DLGAP1: variants seen among roughly 807,000 people sequenced by gnomAD.
The protein encoded by DLGAP1 is DLG associated protein 1, also known as disks large-associated protein 1.
A neutral mutation model predicts 90.8 loss-of-function variants in DLGAP1; 11 were observed. That is an observed-to-expected ratio of 0.12 (90% CI 0.08 to 0.20). The LOEUF is 0.20. Among genes scored for constraint, DLGAP1 ranks in the 10% least tolerant of loss-of-function variants. The probability of loss-of-function intolerance (pLI) is 1.00; values close to 1 mark genes in which losing one functional copy is unlikely to be tolerated. For missense variants in DLGAP1, 1,050 were observed against 1,333.8 expected (o/e 0.79, Z 3.31); for synonymous variants, 558 against 540.7 (o/e 1.03, Z -0.44).
chr18:3,724,765 T>C (rs890592521), intron 7 of DLGAP1, among the ~76,000 whole-genome samples: 8 of 151,694 alleles, frequency 5.3e-5, no homozygotes, highest in African/African-American at 1.5e-4. Context: ...TAGCCAGGCG[T>C]GGTGATGTGC....
chr18:3,929,764 T>A (rs2072475095), intron 3 of DLGAP1, among the ~76,000 whole-genome samples: 1 of 152,228 alleles, frequency 6.6e-6, no homozygotes, highest in South Asian at 2.1e-4. Flanking sequence ...TGCTGTGGAT[T>A]TTGGTCATCT....
chr18:4,093,488 C>T (rs1430444228), intron 2 of DLGAP1, among the ~76,000 whole-genome samples: 2 of 151,984 alleles, frequency 1.3e-5, no homozygotes, highest in Non-Finnish European at 1.5e-5. Context: ...TGCGTTTTGT[C>T]TGAAAGGAAG....
intron 5 of DLGAP1, among the ~76,000 whole-genome samples, chr18:3,769,491 A>G (rs2064414985): frequency 6.6e-6 from 1 of 152,162 alleles, no homozygotes; most frequent in Admixed American, 6.5e-5. Context: ...AATTGCGCAC[A>G]ACCAGGATAT....
intron 1 of DLGAP1, among the ~76,000 whole-genome samples, chr18:4,253,690 G>A (rs9961734): frequency 0.083 from 12,591 of 152,188 alleles, 1,733 homozygotes; most frequent in African/African-American, 0.29. Flanking sequence ...GATTATAGGC[G>A]TGAGTCACTG....
At chr18:3,610,897 G>A (rs1208403581) in intron 7 of DLGAP1, among the ~76,000 whole-genome samples, 1 of 145,488 alleles carries the variant, frequency 6.9e-6, no homozygotes, top group Non-Finnish European at 1.5e-5. Flanking sequence ...TTTTTTTTGA[G>A]TTTTCATATG....
intron 1 of DLGAP1, among the ~76,000 whole-genome samples, chr18:4,322,943 G>GAAAA (rs60113288): frequency 4.1e-5 from 4 of 97,598 alleles, no homozygotes; most frequent in Admixed American, 1.3e-4. Context: ...CCTGGGCACA[G>GAAAA]AAAAAAAAAA....
At chr18:4,249,504 C>G (rs1243672701) in intron 1 of DLGAP1, among the ~76,000 whole-genome samples, 3 of 149,798 alleles carry the variant, frequency 2.0e-5, no homozygotes, top group Non-Finnish European at 4.4e-5. Flanking sequence ...TATGCTTACC[C>G]AAATGAGTCA....
chr18:4,120,992 CACAG>C (rs1306781537), intron 2 of DLGAP1, among the ~76,000 whole-genome samples: 3 of 152,084 alleles, frequency 2.0e-5, no homozygotes, highest in African/African-American at 7.2e-5. Context: ...AGGAGGTGGG[CACAG>C]ACAGTGAATG....
At chr18:4,155,959 CG>C (rs906996996) in intron 1 of DLGAP1, among the ~76,000 whole-genome samples, 25 of 152,184 alleles carry the variant, frequency 1.6e-4, no homozygotes, top group African/African-American at 5.5e-4. Context: ...TGCTCCGACT[CG>C]GGTGGGGCTG....
At chr18:4,224,912 T>C (rs927031840) in intron 1 of DLGAP1, among the ~76,000 whole-genome samples, 1 of 152,090 alleles carries the variant, frequency 6.6e-6, no homozygotes, top group African/African-American at 2.4e-5. Context: ...TGTGCTGGCT[T>C]CAGGTCTTAG....
At chr18:4,244,680 T>C (rs1568468780) in intron 1 of DLGAP1, among the ~76,000 whole-genome samples, 1 of 152,198 alleles carries the variant, frequency 6.6e-6, no homozygotes, top group East Asian at 1.9e-4. Context: ...TTACATGATC[T>C]GTGTGTCATT....
intron 3 of DLGAP1, among the ~76,000 whole-genome samples, chr18:3,897,793 T>TA (rs2071665339): frequency 7.0e-6 from 1 of 142,706 alleles, no homozygotes; most frequent in Non-Finnish European, 1.5e-5. Flanking sequence ...TTTTTTTTTT[T>TA]TTTTTTTTTT....
chr18:3,630,751 G>A (rs2058494582), intron 7 of DLGAP1, among the ~76,000 whole-genome samples: 1 of 152,060 alleles, frequency 6.6e-6, no homozygotes. Context: ...CTAACACCAT[G>A]TCTTATTACT....
At chr18:3,742,103 T>C (rs1816224894) in intron 6 of DLGAP1, among the ~76,000 whole-genome samples, 2 of 152,152 alleles carry the variant, frequency 1.3e-5, no homozygotes, top group African/African-American at 4.8e-5. Context: ...ACCCTCTTCA[T>C]TGTGCTTTAT....
intron 3 of DLGAP1, among the ~76,000 whole-genome samples, chr18:3,996,999 A>G (rs1173103129): frequency 6.6e-6 from 1 of 150,424 alleles, no homozygotes; most frequent in Non-Finnish European, 1.5e-5. Flanking sequence ...CCACCATTAA[A>G]TTGGATTAGA....
intron 2 of DLGAP1, among the ~76,000 whole-genome samples, chr18:4,130,354 A>G (rs2076295475): frequency 6.6e-6 from 1 of 152,200 alleles, no homozygotes; most frequent in Non-Finnish European, 1.5e-5. Flanking sequence ...TACCTGGAAT[A>G]GTGATTATTT....
At chr18:4,435,836 A>T (rs1453193902) in intron 1 of DLGAP1, among the ~76,000 whole-genome samples, 1 of 152,202 alleles carries the variant, frequency 6.6e-6, no homozygotes, top group Non-Finnish European at 1.5e-5. Flanking sequence ...GGTTAGCATC[A>T]TGTCACACAT....
intron 7 of DLGAP1, among the ~76,000 whole-genome samples, chr18:3,718,533 A>T (rs770270697): frequency 5.3e-5 from 8 of 152,276 alleles, no homozygotes; most frequent in Non-Finnish European, 8.8e-5. Flanking sequence ...TCCACCTCTA[A>T]GGAAACCGCC....
rs921166649 is a variant in DLGAP1 at position 4,362,747 on chromosome 18, C to T, written c.-267+92259G>A. ...AAGATAGTAAATTATATGTTACGTACATTTTACCATAATGAAAAACACTGG... is the reference window on the plus strand; with the variant it reads ...AAGATAGTAAATTATATGTTACGTATATTTTACCATAATGAAAAACACTGG... On this transcript the variant is annotated intron_variant, in intron 1 of 12. Coordinates refer to ENST00000315677, the MANE Select transcript of DLGAP1 (RefSeq NM_004746.4). Among the ~76,000 whole-genome samples, 8 of 152,096 alleles carry T rather than the reference C, an allele frequency of 5.3e-5. No homozygotes were observed. In the South Asian group the frequency reaches 1.7e-3, roughly 31 times the overall value.
Sources: gnomAD v4.1 joint callset for allele counts (sites outside exome capture counted in the v4.1 genomes callset) on GRCh38, gnomAD v4.1.1 for gene constraint, MANE v1.5 for transcripts, NCBI Gene and HGNC (gene_info 2026-07-23, HGNC 2026-07-21) for gene names.